The following UIMC1 variants were observed in gnomAD, a reference collection of about 807,000 sequenced individuals.
UIMC1 encodes BRCA1-A complex subunit RAP80.
UIMC1 carries 42 observed loss-of-function variants against 84.9 expected under a neutral mutation model. That is an observed-to-expected ratio of 0.49 (90% CI 0.39 to 0.64). The LOEUF is 0.64. Ranked by LOEUF, UIMC1 falls within the 30% of genes least tolerant of loss-of-function variation. UIMC1 has a pLI of 0.00. For missense variants in UIMC1, 825 were observed against 847.6 expected, an observed-to-expected ratio of 0.97 and a Z score of 0.33; for synonymous variants, 281 against 293.0, an observed-to-expected ratio of 0.96 and a Z score of 0.42.
intron 1 of UIMC1, among the ~76,000 whole-genome samples, chr5:176,983,995 C>T (rs1470678061): frequency 8.2e-5 from 12 of 145,898 alleles, no homozygotes; most frequent in East Asian, 2.1e-4. Context: ...CGCCTCTGCC[C>T]GGCCGCCCCG....
At chr5:176,911,802 G>A (rs1760252281) in intron 10 of UIMC1, among the ~76,000 whole-genome samples, 1 of 152,124 alleles carries the variant, frequency 6.6e-6, no homozygotes, top group Admixed American at 6.5e-5. Context: ...GTGCCTACAT[G>A]AGCTCCAATC....
intron 1 of UIMC1, among the ~76,000 whole-genome samples, chr5:176,984,774 G>A (rs1771706513): frequency 6.6e-6 from 1 of 152,224 alleles, no homozygotes; most frequent in Non-Finnish European, 1.5e-5. Flanking sequence ...TTGGGATGCT[G>A]TTAATCTATA....
intron 1 of UIMC1, among the ~76,000 whole-genome samples, chr5:177,003,121 T>G (rs1300058750): frequency 6.6e-6 from 1 of 152,106 alleles, no homozygotes; most frequent in Non-Finnish European, 1.5e-5. Context: ...TAAAAAAAAT[T>G]AAAGTGCCAC....
At position 176,963,177 on chromosome 5, in the gene UIMC1, A is replaced by T. The variant is rs1425046548; in HGVS notation, c.1201-5023T>A. Reference sequence around the variant, plus strand: ...TAAATTAAAAAAAAAAAAAAAAAAAAAAAAAAAAAATTCAAAGAATTATTA... The same window carrying T: ...TAAATTAAAAAAAAAAAAAAAAAAATAAAAAAAAAATTCAAAGAATTATTA... On this transcript the variant is annotated intron_variant, in intron 6 of 14. Transcript: ENST00000511320. Among the ~76,000 whole-genome samples, 4 of 30,052 alleles carry T rather than the reference A, an allele frequency of 1.3e-4. 2 individuals carry two copies. The African/African-American group carries it at 2.0e-3, about 15-fold the overall frequency. 19.7% of individuals were successfully genotyped at this position (30,052 alleles called of 152,430 possible).
chr5:177,006,295 GA>G (rs1307278577), intron 1 of UIMC1: 1 of 152,500 alleles, frequency 6.6e-6, no homozygotes, highest in Non-Finnish European at 1.5e-5. Flanking sequence ...TCAACCTTGG[GA>G]AGGACCCAGC....
chr5:176,958,061 A>G, intron 7 of UIMC1, 32 bp downstream of exon 7: 1 of 1,607,264 alleles, frequency 6.2e-7, no homozygotes, highest in African/African-American at 1.3e-5. Context: ...CAACCATCAG[A>G]GGAGAATGCA....
chr5:176,980,889 C>A (rs1258905826), intron 2 of UIMC1, among the ~76,000 whole-genome samples: 1 of 151,604 alleles, frequency 6.6e-6, no homozygotes, highest in Non-Finnish European at 1.5e-5. Context: ...TACAGGCACA[C>A]GCCACCATGC....
chr5:176,925,081 C>T (rs1024161480), intron 10 of UIMC1, among the ~76,000 whole-genome samples: 6 of 151,364 alleles, frequency 4.0e-5, no homozygotes, highest in Middle Eastern at 3.2e-3. Context: ...CAAGTACACG[C>T]TAGAAAATAT....
At chr5:177,000,436 C>T (rs1774274491) in intron 1 of UIMC1, among the ~76,000 whole-genome samples, 1 of 150,248 alleles carries the variant, frequency 6.7e-6, no homozygotes, top group South Asian at 2.1e-4. Context: ...TTGTGACTTG[C>T]ATTTCTCTGA....
At chr5:176,933,941 A>G (rs1341685141) in intron 10 of UIMC1, among the ~76,000 whole-genome samples, 2 of 152,182 alleles carry the variant, frequency 1.3e-5, no homozygotes, top group African/African-American at 4.8e-5. Context: ...CCAATCACCA[A>G]TCAGATTTAA....
At chr5:176,909,867 T>TA (rs1759890293) in intron 11 of UIMC1, among the ~76,000 whole-genome samples, 1 of 152,214 alleles carries the variant, frequency 6.6e-6, no homozygotes, top group Non-Finnish European at 1.5e-5. Flanking sequence ...TTATCACTTC[T>TA]AGCTGCAGTG....
chr5:177,013,361 A>AAC (rs6149367), intron 1 of UIMC1, among the ~76,000 whole-genome samples: 20,218 of 137,582 alleles, frequency 0.15, 1,681 homozygotes, highest in East Asian at 0.27. Flanking sequence ...ACTGCATCCA[A>AAC]ACACACACAC....
chr5:176,912,546 C>T (rs993491223), intron 10 of UIMC1, among the ~76,000 whole-genome samples: 5 of 150,846 alleles, frequency 3.3e-5, no homozygotes, highest in Admixed American at 6.6e-5. Flanking sequence ...AATCTCAGCT[C>T]ACTGCAACCT....
intron 7 of UIMC1, among the ~76,000 whole-genome samples, chr5:176,956,913 C>CA (rs1337565596): frequency 3.3e-5 from 5 of 151,958 alleles, no homozygotes; most frequent in African/African-American, 1.2e-4. Flanking sequence ...AAACCCCAGC[C>CA]AGACAGTTTA....
chr5:176,922,365 CTAAGT>C (rs1761814754), intron 10 of UIMC1, among the ~76,000 whole-genome samples: 1 of 152,200 alleles, frequency 6.6e-6, no homozygotes, highest in Admixed American at 6.5e-5. Context: ...GAGGGGCTTT[CTAAGT>C]TGAGTACCCT....
At chr5:176,984,675 AGAGAGAT>A (rs1383817243) in intron 1 of UIMC1, among the ~76,000 whole-genome samples, 2 of 152,124 alleles carry the variant, frequency 1.3e-5, no homozygotes, top group Admixed American at 1.3e-4. Flanking sequence ...GGGAAAAGAA[AGAGAGAT>A]CAGGTTGTTA....
In UIMC1 at chr5:176,968,967, T is replaced by C. The variant is rs955378091; in HGVS notation, c.788A>G (p.Asp263Gly). 1 of 1,614,192 alleles carries C rather than the reference T, an allele frequency of 6.2e-7. No individual in the cohort carries two copies. Residue 263 changes from aspartate to glycine, a missense_variant, in exon 6 of 15, where the codon GAT becomes GGT. Coordinates refer to ENST00000511320, the MANE Select transcript of UIMC1 (RefSeq NM_001199298.2). ...CCCAGTGTCCTGGAGACCTTTGGCA[T>C]CTGCTAGGGTAGGTAGACAGTGCCT... ...TSRHCLPTLA[D>G]AKGLQDTGGT...
intron 1 of UIMC1, among the ~76,000 whole-genome samples, chr5:177,013,139 G>A (rs1212638359): frequency 6.6e-6 from 1 of 151,270 alleles, no homozygotes; most frequent in Non-Finnish European, 1.5e-5. Flanking sequence ...CACTTTGGGA[G>A]GCTGGGTGGA....
intron 10 of UIMC1, among the ~76,000 whole-genome samples, chr5:176,935,355 A>T (rs986593713): frequency 1.3e-5 from 2 of 152,074 alleles, no homozygotes; most frequent in African/African-American, 4.8e-5. Context: ...CTCTAATTGT[A>T]TTTCCTCTGA....
Sources: gnomAD v4.1 joint callset for allele counts (sites outside exome capture counted in the v4.1 genomes callset) on GRCh38, gnomAD v4.1.1 for gene constraint, MANE v1.5 for transcripts, NCBI Gene and HGNC (gene_info 2026-07-23, HGNC 2026-07-21) for gene names.